MDGA2: variants seen among roughly 807,000 people sequenced by gnomAD.
MDGA2 encodes the protein MAM domain-containing glycosylphosphatidylinositol anchor protein 2.
MDGA2 carries 40 observed loss-of-function variants against 117.8 expected under a neutral mutation model. That is an observed-to-expected ratio of 0.34 (90% CI 0.26 to 0.44). MDGA2 has a LOEUF of 0.44. MDGA2 is among the 20% of genes least tolerant of loss of function. The pLI, the probability that MDGA2 is intolerant of heterozygous loss-of-function variation, is 1.00. For missense variants in MDGA2, 1,123 were observed against 1,250.6 expected (o/e 0.90, Z 1.54); for synonymous variants, 452 against 439.0 (o/e 1.03, Z -0.37).
chr14:46,995,024 CTAAGTT>C (rs1566564952), intron 8 of MDGA2, among the ~76,000 whole-genome samples: 1 of 151,906 alleles, frequency 6.6e-6, no homozygotes, highest in African/African-American at 2.4e-5. Context: ...ATTCTGAATT[CTAAGTT>C]TATCTTGTTT....
chr14:47,232,980 G>A (rs1189700645), intron 2 of MDGA2, among the ~76,000 whole-genome samples: 1 of 152,112 alleles, frequency 6.6e-6, no homozygotes, highest in African/African-American at 2.4e-5. Flanking sequence ...TTTTAAACAT[G>A]CAGAAGCTAC....
chr14:47,263,391 AATAT>A (rs1887863592), intron 2 of MDGA2, among the ~76,000 whole-genome samples: 1 of 152,114 alleles, frequency 6.6e-6, no homozygotes, highest in African/African-American at 2.4e-5. Context: ...ACTAAATAGT[AATAT>A]GAAGCCATAT....
chr14:47,192,034 C>G (rs954650528), intron 3 of MDGA2, among the ~76,000 whole-genome samples: 47 of 152,120 alleles, frequency 3.1e-4, no homozygotes, highest in African/African-American at 1.1e-3. Flanking sequence ...AATGAAGCCC[C>G]TGCATTTAAA....
chr14:47,417,401 T>G (rs1472876786), intron 1 of MDGA2, among the ~76,000 whole-genome samples: 1 of 152,140 alleles, frequency 6.6e-6, no homozygotes, highest in African/African-American at 2.4e-5. Context: ...TCCTCAAGTT[T>G]CCAGTAACAT....
intron 4 of MDGA2, among the ~76,000 whole-genome samples, chr14:47,137,681 A>G (rs1428982605): frequency 6.6e-6 from 1 of 152,144 alleles, no homozygotes; most frequent in African/African-American, 2.4e-5. Flanking sequence ...TTCTTTATAC[A>G]TTACCTAATC....
At chr14:47,017,110 T>TAAAAGAA (rs1888111226) in intron 8 of MDGA2, among the ~76,000 whole-genome samples, 1 of 151,946 alleles carries the variant, frequency 6.6e-6, no homozygotes, top group East Asian at 1.9e-4. Flanking sequence ...TCTAGTCTGA[T>TAAAAGAA]TGACTTTTAT....
intron 1 of MDGA2, among the ~76,000 whole-genome samples, chr14:47,352,827 C>T (rs1241015084): frequency 6.6e-6 from 1 of 152,092 alleles, no homozygotes; most frequent in Non-Finnish European, 1.5e-5. Context: ...ATGCTTCATG[C>T]TTTAGTGAAT....
intron 2 of MDGA2, among the ~76,000 whole-genome samples, chr14:47,266,215 A>G (rs1887960853): frequency 6.6e-6 from 1 of 152,176 alleles, no homozygotes. Flanking sequence ...TCTTTATTCC[A>G]GAACATTTAT....
chr14:47,620,642 T>C (rs905831351), intron 1 of MDGA2, among the ~76,000 whole-genome samples: 2 of 152,236 alleles, frequency 1.3e-5, no homozygotes, highest in Admixed American at 1.3e-4. Context: ...GCTTATACAC[T>C]GCCCTTCAGA....
intron 1 of MDGA2, among the ~76,000 whole-genome samples, chr14:47,502,800 C>T (rs1479668407): frequency 6.6e-6 from 1 of 152,016 alleles, no homozygotes; most frequent in Non-Finnish European, 1.5e-5. Flanking sequence ...CTCAGCCTCC[C>T]AAGCAGCTGG....
chr14:47,062,314 T>C (rs1889914242), intron 6 of MDGA2, among the ~76,000 whole-genome samples: 2 of 151,944 alleles, frequency 1.3e-5, no homozygotes, highest in South Asian at 2.1e-4. Flanking sequence ...CTAACAGAAA[T>C]GTTTTCCAGG....
At chr14:47,413,949 G>T (rs936599708) in intron 1 of MDGA2, among the ~76,000 whole-genome samples, 7 of 152,018 alleles carry the variant, frequency 4.6e-5, no homozygotes, top group Non-Finnish European at 8.8e-5. Flanking sequence ...TATGTCTCAG[G>T]CTCTTTTAAG....
chr14:47,573,399 T>TG (rs1342419763), intron 1 of MDGA2, among the ~76,000 whole-genome samples: 1 of 152,206 alleles, frequency 6.6e-6, no homozygotes, highest in Non-Finnish European at 1.5e-5. Flanking sequence ...TGGATAATAC[T>TG]GGCAGCAATG....
rs547369366 is a variant in MDGA2, at chr14:47,145,388, C to T, written c.596-1114G>A. On this transcript the variant is annotated intron_variant, in intron 3 of 16. Coordinates refer to ENST00000399232, the MANE Select transcript of MDGA2 (RefSeq NM_001113498.3). The stretch of plus-strand genomic sequence containing the variant: ...TCCAATAAAACTTTATTTATAAATA[C>T]AGACACTCCTCAACCAGCTTTGGCT... Among the ~76,000 whole-genome samples the T allele has an allele frequency of 7.9e-5, 12 of 152,226 alleles. No homozygotes were observed. In the East Asian group the frequency reaches 2.1e-3, roughly 27 times the overall value.
intron 1 of MDGA2, among the ~76,000 whole-genome samples, chr14:47,319,236 C>G (rs1019521999): frequency 2.0e-5 from 3 of 152,084 alleles, no homozygotes; most frequent in Admixed American, 6.6e-5. Flanking sequence ...GTAGGCAAGT[C>G]ACAGATACTG....
intron 16 of MDGA2, among the ~76,000 whole-genome samples, chr14:46,843,268 G>T (rs1304026877): frequency 6.6e-6 from 1 of 151,914 alleles, no homozygotes; most frequent in Non-Finnish European, 1.5e-5. Context: ...TCTGCACTAG[G>T]GAGTAAATAA....
chr14:47,117,743 G>C (rs1299033284), intron 5 of MDGA2, among the ~76,000 whole-genome samples: 1 of 152,034 alleles, frequency 6.6e-6, no homozygotes, highest in South Asian at 2.1e-4. Context: ...TGGCTATCAG[G>C]GGTTGAGTGA....
At position 46,929,601 on chromosome 14, in the gene MDGA2, G is replaced by GTA. The variant is rs756528353; in HGVS notation, c.2090-9443_2090-9442dup. Reference sequence around the variant, plus strand: ...TATACGTGTGTGTGTGTGTGTGTGTGTATATATATATATATATATATATAT... The same window carrying GTA: ...TATACGTGTGTGTGTGTGTGTGTGTGTATATATATATATATATATATATATAT... On this transcript the variant is annotated intron_variant, in intron 9 of 16. Coordinates refer to ENST00000399232, the MANE Select transcript of MDGA2 (RefSeq NM_001113498.3). 6.6e-3 allele frequency among the ~76,000 whole-genome samples: 83 copies of GTA among 12,666 alleles called. 3 individuals carry two copies. Among genetic ancestry groups the GTA allele is most frequent in the Non-Finnish European group, 0.012 (71 of 5,966 alleles). The allele number at this position is 12,666 out of a possible 152,430, so 8.3% of individuals were successfully genotyped here. A position where few individuals can be genotyped will look rare whatever the true frequency, so the allele number is the denominator to read the frequency against.
intron 14 of MDGA2, among the ~76,000 whole-genome samples, chr14:46,856,167 T>C (rs556343816): frequency 1.9e-4 from 29 of 152,080 alleles, no homozygotes; most frequent in Non-Finnish European, 3.1e-4. Flanking sequence ...AGTAAGAAAA[T>C]AGCACAAGCA....
Sources: allele counts gnomAD v4.1 joint callset (sites outside exome capture counted in the v4.1 genomes callset), GRCh38; gene constraint gnomAD v4.1.1; transcripts MANE v1.5; gene names NCBI Gene and HGNC (gene_info 2026-07-23, HGNC 2026-07-21).